The following CREM variants were observed in gnomAD, a reference collection of about 807,000 sequenced individuals.
The protein encoded by CREM is cAMP responsive element modulator, also known as cAMP-responsive element modulator.
A neutral mutation model predicts 37.3 loss-of-function variants in CREM; 13 were observed. The observed-to-expected ratio is 0.35, with a 90% CI of 0.23 to 0.55. CREM has a LOEUF of 0.55. Ranked by LOEUF, CREM falls within the 20% of genes least tolerant of loss-of-function variation. The pLI is 0.88. For synonymous variants in CREM, 124 were observed against 120.2 expected (o/e 1.03, Z -0.21); for missense variants, 296 against 362.3 (o/e 0.82, Z 1.49).
In CREM at chr10:35,132,402, CACTT is replaced by C. The variant is rs151166077; in HGVS notation, c.-55+5213_-55+5216del. ...TGTGGGAAATGAATTGAAAAAGAGA[CACTT>C]ACTGAATAGCTAGTCCTTTAGTGAT... On this transcript the variant is annotated intron_variant, in intron 1 of 7. Transcript: ENST00000685392. Among the ~76,000 whole-genome samples, 96 of 152,184 alleles carry C rather than the reference CACTT, an allele frequency of 6.3e-4. 1 individual carries two copies. The East Asian group carries it at 0.017, about 27-fold the overall frequency.
At chr10:35,182,679 A>G (rs974037626) in intron 5 of CREM, among the ~76,000 whole-genome samples, 1 of 152,222 alleles carries the variant, frequency 6.6e-6, no homozygotes, top group Non-Finnish European at 1.5e-5. Context: ...ACTTACTATT[A>G]TCACAAAAAC....
At chr10:35,169,551 A>G (rs1371389542) in intron 3 of CREM, among the ~76,000 whole-genome samples, 2 of 152,028 alleles carry the variant, frequency 1.3e-5, no homozygotes, top group Non-Finnish European at 2.9e-5. Context: ...CAGGGACAAT[A>G]TGACTTCCTC....
chr10:35,186,702 C>A (rs2094565937), intron 5 of CREM, among the ~76,000 whole-genome samples: 1 of 133,924 alleles, frequency 7.5e-6, no homozygotes. Flanking sequence ...AAATTTTGGT[C>A]ATATATACAA....
chr10:35,191,480 A>G (rs1028367796), intron 6 of CREM, among the ~76,000 whole-genome samples: 5 of 151,782 alleles, frequency 3.3e-5, no homozygotes, highest in Admixed American at 3.3e-4. Context: ...GCTCCAGTTT[A>G]AACACAGCAA....
chr10:35,174,218 C>T (rs1457529507), intron 3 of CREM, among the ~76,000 whole-genome samples: 1 of 152,212 alleles, frequency 6.6e-6, no homozygotes, highest in Non-Finnish European at 1.5e-5. Flanking sequence ...CAAGCTCTGG[C>T]ATCTACATAA....
Position 35,211,635 on chromosome 10 carries a change from T to C in CREM, c.*237T>C, listed in dbSNP as rs1484764729. 1.2e-6 allele frequency: 2 copies of C among 1,608,064 alleles called. No homozygotes were observed. The highest frequency in any genetic ancestry group is 1.3e-5 in the African/African-American group (1 of 74,492). On this transcript the variant is annotated 3_prime_UTR_variant, in exon 8 of 8. Coordinates refer to ENST00000685392, the MANE Select transcript of CREM (RefSeq NM_183011.2). ...CATGCAAAAAATGCTTTGTTTGCCC[T>C]TTGCTTCTGCTTTTTTTCAGGGAAG...
intron 2 of CREM, among the ~76,000 whole-genome samples, chr10:35,144,645 A>C (rs1419624900): frequency 6.6e-6 from 1 of 152,180 alleles, no homozygotes; most frequent in East Asian, 1.9e-4. Context: ...GTACGTTATC[A>C]AGACATTTTC....
At chr10:35,134,619 C>T (rs2090118716) in intron 1 of CREM, among the ~76,000 whole-genome samples, 1 of 152,074 alleles carries the variant, frequency 6.6e-6, no homozygotes, top group African/African-American at 2.4e-5. Context: ...GCTTTATTAC[C>T]CTCTCTGTAA....
chr10:35,183,756 C>T (rs2094446227), intron 5 of CREM, among the ~76,000 whole-genome samples: 1 of 152,114 alleles, frequency 6.6e-6, no homozygotes, highest in Admixed American at 6.6e-5. Flanking sequence ...TTAATTAGCT[C>T]ATGTGTATAA....
chr10:35,166,739 C>T (rs1311430696), intron 3 of CREM, among the ~76,000 whole-genome samples: 2 of 151,782 alleles, frequency 1.3e-5, no homozygotes, highest in Non-Finnish European at 2.9e-5. Flanking sequence ...CAACTCAAAA[C>T]AAAAAACACC....
At chr10:35,177,507 C>A (rs1043970815) in intron 3 of CREM, among the ~76,000 whole-genome samples, 2 of 152,102 alleles carry the variant, frequency 1.3e-5, no homozygotes, top group Non-Finnish European at 2.9e-5. Context: ...GTATGTTACC[C>A]AGGTTTGTGT....
chr10:35,175,328 C>G (rs1395060519), intron 3 of CREM, among the ~76,000 whole-genome samples: 1 of 152,090 alleles, frequency 6.6e-6, no homozygotes, highest in African/African-American at 2.4e-5. Flanking sequence ...CACCTGTAGT[C>G]CCAGCTACTC....
chr10:35,196,792 A>T (rs184464076), intron 6 of CREM, among the ~76,000 whole-genome samples: 1 of 151,018 alleles, frequency 6.6e-6, no homozygotes, highest in African/African-American at 2.4e-5. Flanking sequence ...TTTCATTCCT[A>T]TTACCCCTTT....
At chr10:35,138,277 A>G (rs962347502) in intron 2 of CREM, among the ~76,000 whole-genome samples, 1 of 152,248 alleles carries the variant, frequency 6.6e-6, no homozygotes, top group African/African-American at 2.4e-5. Context: ...AAATATCCAA[A>G]TAGAATTTTT....
At chr10:35,173,793 AGT>A (rs773879920) in intron 3 of CREM, among the ~76,000 whole-genome samples, 15 of 152,186 alleles carry the variant, frequency 9.9e-5, no homozygotes, top group Non-Finnish European at 1.8e-4. Context: ...GATCTAGTTA[AGT>A]GTTTACCAGC....
rs71033383 is a variant in CREM, at chr10:35,197,467, T to TA, written c.598+9079_598+9080insA. ...TTATTTATTTATTTATTTATTTATT[T>TA]TATGAGACGGAGTCTCGCTCTGTCG... On this transcript the variant is annotated intron_variant, in intron 6 of 7. Coordinates refer to ENST00000685392, the MANE Select transcript of CREM (RefSeq NM_183011.2). Among the ~76,000 whole-genome samples, 51 of 146,184 alleles carry TA rather than the reference T, an allele frequency of 3.5e-4. 1 individual carries two copies. The highest frequency in any genetic ancestry group is 1.1e-3 in the African/African-American group (43 of 38,130).
chr10:35,154,526 C>T (rs1231618801), intron 3 of CREM: 1 of 153,648 alleles, frequency 6.5e-6, no homozygotes, highest in Non-Finnish European at 1.4e-5. Flanking sequence ...GAAAAGTGTT[C>T]CTGTTAAAAT....
At chr10:35,146,891 G>A (rs1343067876) in intron 2 of CREM, among the ~76,000 whole-genome samples, 3 of 152,040 alleles carry the variant, frequency 2.0e-5, no homozygotes, top group African/African-American at 7.2e-5. Context: ...ATTAAATCTG[G>A]AAAAACAACT....
intron 3 of CREM, among the ~76,000 whole-genome samples, chr10:35,165,040 G>A (rs2093471204): frequency 7.3e-6 from 1 of 136,644 alleles, no homozygotes; most frequent in Admixed American, 7.9e-5. Context: ...CTGGGCCACA[G>A]AGCGAGGCTC....
Sources: allele counts gnomAD v4.1 joint callset (sites outside exome capture counted in the v4.1 genomes callset), GRCh38; gene constraint gnomAD v4.1.1; transcripts MANE v1.5; gene names NCBI Gene and HGNC (gene_info 2026-07-23, HGNC 2026-07-21).